CHRM3: variants seen among roughly 807,000 people sequenced by gnomAD.
CHRM3 encodes muscarinic acetylcholine receptor M3.
CHRM3 carries 11 observed loss-of-function variants against 41.8 expected under a neutral mutation model. The ratio of observed to expected loss-of-function variants is 0.26; its 90% CI spans 0.17 to 0.44. The LOEUF is 0.44. Among genes scored for constraint, CHRM3 ranks in the 20% least tolerant of loss-of-function variants. The pLI is 1.00. For synonymous variants in CHRM3, 297 were observed against 301.4 expected (o/e 0.99, Z 0.15); for missense variants, 571 against 745.4 (o/e 0.77, Z 2.72).
At chr1:239,480,512 A>T (rs545531304) in intron 1 of CHRM3, among the ~76,000 whole-genome samples, 1 of 141,914 alleles carries the variant, frequency 7.0e-6, no homozygotes, top group Non-Finnish European at 1.5e-5. Flanking sequence ...AACTTTATTC[A>T]TTTTAACTCA....
chr1:239,669,031 C>A (rs1245222355), intron 4 of CHRM3, among the ~76,000 whole-genome samples: 1 of 152,156 alleles, frequency 6.6e-6, no homozygotes, highest in Non-Finnish European at 1.5e-5. Flanking sequence ...GCGACTTCAT[C>A]CTGAGCTTCC....
intron 1 of CHRM3, among the ~76,000 whole-genome samples, chr1:239,486,740 G>C (rs1419069155): frequency 6.6e-6 from 1 of 152,116 alleles, no homozygotes; most frequent in Non-Finnish European, 1.5e-5. Context: ...CCCTACCTCT[G>C]TGTTCCTGAA....
intron 2 of CHRM3, among the ~76,000 whole-genome samples, chr1:239,494,312 C>A (rs925418346): frequency 2.0e-5 from 3 of 152,054 alleles, no homozygotes; most frequent in Non-Finnish European, 4.4e-5. Flanking sequence ...AATTTGATTT[C>A]TTCACTTCAT....
intron 6 of CHRM3, among the ~76,000 whole-genome samples, chr1:239,843,682 C>T (rs1380365291): frequency 1.3e-5 from 2 of 152,004 alleles, no homozygotes; most frequent in African/African-American, 2.4e-5. Flanking sequence ...CTAAAAAAGA[C>T]TTTAATTGCT....
intron 5 of CHRM3, among the ~76,000 whole-genome samples, chr1:239,776,535 T>C (rs1461453360): frequency 6.6e-6 from 1 of 152,078 alleles, no homozygotes; most frequent in Non-Finnish European, 1.5e-5. Context: ...TAGTGAACCT[T>C]TCAAAAAATT....
At chr1:239,547,327 A>G (rs1659389617) in intron 3 of CHRM3, among the ~76,000 whole-genome samples, 1 of 152,180 alleles carries the variant, frequency 6.6e-6, no homozygotes, top group South Asian at 2.1e-4. Flanking sequence ...GCACATTTGT[A>G]GAATGAGACT....
In CHRM3 at chr1:239,626,989, G is replaced by A. The variant is rs1460944838; in HGVS notation, c.-312-5235G>A. ...AAAATGTATATTCTGTTGATTTGGG[G>A]TGGAGAGTTCTGTAGATGTCTATTA... On this transcript the variant is annotated intron_variant, in intron 3 of 6. Transcript: ENST00000676153. Among the ~76,000 whole-genome samples, 3 of 121,374 alleles carry A rather than the reference G, an allele frequency of 2.5e-5. No individual in the cohort carries two copies. The South Asian group carries it at 1.2e-3, about 49-fold the overall frequency. The allele number at this position is 121,374 out of a possible 152,430, so 79.6% of individuals were successfully genotyped here.
chr1:239,618,592 C>T (rs1030698580), intron 3 of CHRM3, among the ~76,000 whole-genome samples: 6 of 151,778 alleles, frequency 4.0e-5, no homozygotes, highest in East Asian at 2.0e-4. Flanking sequence ...CGCCTGTAAT[C>T]CCAGCACTTT....
At chr1:239,782,911 G>A (rs1558118356) in intron 5 of CHRM3, among the ~76,000 whole-genome samples, 1 of 151,990 alleles carries the variant, frequency 6.6e-6, no homozygotes, top group African/African-American at 2.4e-5. Context: ...CTGTTTTGGG[G>A]ACTTTTCAGC....
chr1:239,614,257 G>C (rs1283631839), intron 3 of CHRM3, among the ~76,000 whole-genome samples: 1 of 152,186 alleles, frequency 6.6e-6, no homozygotes. Context: ...AGATATTCCT[G>C]TATCCTGCCT....
At chr1:239,672,138 A>G (rs1674436377) in intron 4 of CHRM3, among the ~76,000 whole-genome samples, 10 of 152,186 alleles carry the variant, frequency 6.6e-5, no homozygotes, top group Admixed American at 6.5e-4. Context: ...TCAGCCTGTC[A>G]GTCAGAGGAA....
intron 3 of CHRM3, among the ~76,000 whole-genome samples, chr1:239,583,011 A>T (rs1663043959): frequency 6.6e-6 from 1 of 152,096 alleles, no homozygotes; most frequent in East Asian, 1.9e-4. Flanking sequence ...GTGAGTGCTC[A>T]CTCATACCTG....
At chr1:239,858,521 G>GAAAAAA (rs35735156) in intron 6 of CHRM3, among the ~76,000 whole-genome samples, 1 of 143,714 alleles carries the variant, frequency 7.0e-6, no homozygotes, top group South Asian at 2.2e-4. Flanking sequence ...TTTTCATTTG[G>GAAAAAA]AAAAAAAAAA....
At chr1:239,503,923 G>A (rs1668402511) in intron 2 of CHRM3, among the ~76,000 whole-genome samples, 1 of 152,058 alleles carries the variant, frequency 6.6e-6, no homozygotes, top group Non-Finnish European at 1.5e-5. Context: ...ACTCAAAATG[G>A]ATTAAGTACT....
At chr1:239,464,446 C>T (rs376921706) in intron 1 of CHRM3, among the ~76,000 whole-genome samples, 10 of 152,252 alleles carry the variant, frequency 6.6e-5, no homozygotes, top group East Asian at 5.8e-4. Context: ...ACTGGGAATT[C>T]GTTCTAGCCT....
chr1:239,572,139 G>T (rs1661885491), intron 3 of CHRM3, among the ~76,000 whole-genome samples: 1 of 152,148 alleles, frequency 6.6e-6, no homozygotes, highest in Admixed American at 6.5e-5. Context: ...CCAAAAGCTT[G>T]TGCAAGTTAA....
Position 239,873,198 on chromosome 1 carries a change from T to A in CHRM3, c.-19-34235T>A, listed in dbSNP as rs557677203. On this transcript the variant is annotated intron_variant, in intron 6 of 6. Coordinates refer to ENST00000676153, the MANE Select transcript of CHRM3 (RefSeq NM_001375978.1). ...AGGGTATTCAAACAGACTGAGTTCA[T>A]AACCATTCCATATAAGTGCTGGTAC... Among the ~76,000 whole-genome samples, 12 of 152,238 alleles carry A rather than the reference T, an allele frequency of 7.9e-5. No individual in the cohort carries two copies. In the South Asian group the frequency reaches 2.5e-3, roughly 32 times the overall value.
At chr1:239,650,942 A>G (rs1389510080) in intron 4 of CHRM3, among the ~76,000 whole-genome samples, 1 of 152,238 alleles carries the variant, frequency 6.6e-6, no homozygotes, top group East Asian at 1.9e-4. Context: ...AAATATGTGC[A>G]CATTAATATA....
chr1:239,399,510 T>A (rs1659782828), intron 1 of CHRM3, among the ~76,000 whole-genome samples: 1 of 152,100 alleles, frequency 6.6e-6, no homozygotes, highest in South Asian at 2.1e-4. Context: ...CCATCACCCC[T>A]TCCCTGTCCC....
Sources: gnomAD v4.1 joint callset for allele counts (sites outside exome capture counted in the v4.1 genomes callset) on GRCh38, gnomAD v4.1.1 for gene constraint, MANE v1.5 for transcripts, NCBI Gene and HGNC (gene_info 2026-07-23, HGNC 2026-07-21) for gene names.